PRKG2: variants seen among roughly 807,000 people sequenced by gnomAD.
PRKG2 encodes protein kinase cGMP-dependent 2, also known as cGMP-dependent protein kinase 2.
In PRKG2, 33 loss-of-function variants were observed where a neutral mutation model predicts 97.2. That is an observed-to-expected ratio of 0.34 (90% confidence interval 0.26 to 0.45). PRKG2 has a LOEUF of 0.45. PRKG2 is among the 20% of genes least tolerant of loss of function. The probability of loss-of-function intolerance (pLI) is 1.00; values close to 1 mark genes in which losing one functional copy is unlikely to be tolerated. For synonymous variants in PRKG2, 330 were observed against 321.8 expected, an observed-to-expected ratio of 1.03 and a Z score of -0.27; for missense variants, 638 against 900.0, an observed-to-expected ratio of 0.71 and a Z score of 3.73.
chr4:81,212,513 G>A (rs965812048), intron 1 of PRKG2, among the ~76,000 whole-genome samples: 1 of 152,084 alleles, frequency 6.6e-6, no homozygotes, highest in Admixed American at 6.5e-5. Flanking sequence ...GTGGCAACTG[G>A]GTAAAAGGTA....
At chr4:81,172,115 A>G (rs781279344) in intron 3 of PRKG2, among the ~76,000 whole-genome samples, 14 of 152,022 alleles carry the variant, frequency 9.2e-5, no homozygotes, top group Non-Finnish European at 1.6e-4. Flanking sequence ...GGAATTTAGA[A>G]CAATGGCTAG....
chr4:81,161,187 T>C (rs1560592551), intron 6 of PRKG2, among the ~76,000 whole-genome samples: 1 of 152,188 alleles, frequency 6.6e-6, no homozygotes. Context: ...CATAACACTA[T>C]GTACATTTTA....
At chr4:81,207,019 T>C (rs1202716414) in intron 1 of PRKG2, among the ~76,000 whole-genome samples, 1 of 152,228 alleles carries the variant, frequency 6.6e-6, no homozygotes, top group Non-Finnish European at 1.5e-5. Flanking sequence ...GTTTAACCTT[T>C]AAGTTTCTGT....
intron 14 of PRKG2, among the ~76,000 whole-genome samples, chr4:81,127,164 A>T (rs573731149): frequency 8.5e-5 from 13 of 152,306 alleles, no homozygotes; most frequent in Admixed American, 5.2e-4. Flanking sequence ...TTTGTCAAAG[A>T]TCAGATGGTT....
In PRKG2 at chr4:81,215,167, G is replaced by A. The variant is rs1754219925; in HGVS notation, c.-245C>T. On this transcript the variant is annotated 5_prime_UTR_variant, in exon 1 of 19. Coordinates refer to ENST00000264399, the MANE Select transcript of PRKG2 (RefSeq NM_006259.3). The stretch of plus-strand genomic sequence containing the variant: ...GGGGGCGCGGGTTAGCGCGATGCGG[G>A]CAGGAGCTGCGGCGGCGTCGGTGCT... 6.6e-6 allele frequency: 1 copy of A among 152,478 alleles called. No individual in the cohort carries two copies. The highest frequency in any genetic ancestry group is 2.1e-4 in the South Asian group (1 of 4,840). The allele number at this position is 152,478 out of a possible 1,614,324, so 9.4% of individuals were successfully genotyped here.
chr4:81,175,249 C>T (rs1344855106), intron 2 of PRKG2, among the ~76,000 whole-genome samples: 2 of 152,018 alleles, frequency 1.3e-5, no homozygotes, highest in African/African-American at 4.8e-5. Flanking sequence ...TCCATAGATG[C>T]ACTACTAATG....
intron 14 of PRKG2, among the ~76,000 whole-genome samples, chr4:81,117,798 GAGAAGCA>G (rs1744696522): frequency 8.2e-6 from 1 of 121,960 alleles, no homozygotes; most frequent in African/African-American, 4.0e-5. Context: ...CCTCGCCAGA[GAGAAGCA>G]CTTGTTACAA....
intron 2 of PRKG2, among the ~76,000 whole-genome samples, chr4:81,193,568 G>A (rs907472840): frequency 5.3e-5 from 8 of 152,238 alleles, no homozygotes; most frequent in African/African-American, 1.9e-4. Context: ...GGCCAGGCGC[G>A]ATGGCTCACA....
chr4:81,151,585 A>C (rs1194752376), intron 8 of PRKG2, among the ~76,000 whole-genome samples: 1 of 152,110 alleles, frequency 6.6e-6, no homozygotes, highest in Non-Finnish European at 1.5e-5. Flanking sequence ...AAAATATATA[A>C]AATTATTTCG....
At chr4:81,195,721 T>C (rs1752918374) in intron 2 of PRKG2, among the ~76,000 whole-genome samples, 1 of 152,242 alleles carries the variant, frequency 6.6e-6, no homozygotes, top group African/African-American at 2.4e-5. Flanking sequence ...TAAGGCTGAA[T>C]AATATCCCAT....
At chr4:81,189,589 C>T (rs1192271627) in intron 2 of PRKG2, among the ~76,000 whole-genome samples, 1 of 149,412 alleles carries the variant, frequency 6.7e-6, no homozygotes, top group Non-Finnish European at 1.5e-5. Flanking sequence ...GGAAGGGGAA[C>T]ATCACACTCT....
At position 81,175,296 on chromosome 4, in the gene PRKG2, G is replaced by C. The variant is rs1053416838; in HGVS notation, c.462-337C>G. On this transcript the variant is annotated intron_variant, in intron 2 of 18. Transcript: ENST00000264399. The stretch of plus-strand genomic sequence containing the variant: ...TTTTAGATGGAAAGCAAATCTCATG[G>C]ATACAAAGGAGTTGTATTTAAGGGA... The C allele has an allele frequency of 1.6e-5, 3 of 184,000 alleles. No homozygotes were observed. In the Admixed American group the frequency reaches 1.7e-4, roughly 11 times the overall value. 11.4% of individuals were successfully genotyped at this position (184,000 alleles called of 1,614,324 possible).
chr4:81,142,418 C>G (rs1434928740), intron 11 of PRKG2, among the ~76,000 whole-genome samples: 5 of 152,188 alleles, frequency 3.3e-5, no homozygotes, highest in African/African-American at 1.2e-4. Flanking sequence ...TCACTTGACA[C>G]ATTCTTCTTT....
chr4:81,133,348 T>G (rs754309973), intron 14 of PRKG2, among the ~76,000 whole-genome samples: 2 of 152,128 alleles, frequency 1.3e-5, no homozygotes, highest in Non-Finnish European at 2.9e-5. Flanking sequence ...GATTCCTGGT[T>G]TCATGCAATG....
intron 2 of PRKG2, among the ~76,000 whole-genome samples, chr4:81,176,996 A>G (rs1464257889): frequency 6.6e-6 from 1 of 152,186 alleles, no homozygotes; most frequent in African/African-American, 2.4e-5. Flanking sequence ...TATTATAGAT[A>G]AGCTGGTATC....
intron 2 of PRKG2, among the ~76,000 whole-genome samples, chr4:81,204,279 T>G (rs1221343657): frequency 6.6e-6 from 1 of 152,106 alleles, no homozygotes; most frequent in Non-Finnish European, 1.5e-5. Flanking sequence ...CATTTTTAAG[T>G]TCACTCCTCT....
Position 81,098,752 on chromosome 4 carries a change from T to C in PRKG2, c.2126+5618A>G, listed in dbSNP as rs77489894. 7.9e-3 allele frequency among the ~76,000 whole-genome samples: 1,197 copies of C among 152,266 alleles called. 20 individuals carry two copies. Among genetic ancestry groups the C allele is most frequent in the African/African-American group, 0.027 (1,112 of 41,540 alleles). ...TGGCATCTTATATGGCTGCGGTTTG[T>C]GGTGCCATCAAAATTACAATACTAA... On this transcript the variant is annotated intron_variant, in intron 17 of 18. Transcript: ENST00000264399.
At chr4:81,147,013 T>C (rs1747915529) in intron 9 of PRKG2, among the ~76,000 whole-genome samples, 1 of 152,194 alleles carries the variant, frequency 6.6e-6, no homozygotes, top group Non-Finnish European at 1.5e-5. Context: ...CAGTTTGTCT[T>C]ATCCACAGAA....
intron 9 of PRKG2, among the ~76,000 whole-genome samples, chr4:81,145,813 T>G (rs533790452): frequency 2.0e-5 from 3 of 152,274 alleles, no homozygotes; most frequent in African/African-American, 7.2e-5. Flanking sequence ...AAGTACCTAG[T>G]ACACAGTAGA....
Sources: gnomAD v4.1 joint callset for allele counts (sites outside exome capture counted in the v4.1 genomes callset) on GRCh38, gnomAD v4.1.1 for gene constraint, MANE v1.5 for transcripts, NCBI Gene and HGNC (gene_info 2026-07-23, HGNC 2026-07-21) for gene names.